Variants in TMEM164 observed in about 807,000 individuals in gnomAD.
TMEM164 encodes transmembrane protein 164, also known as RP13-360B22.2.
In TMEM164, 4 loss-of-function variants were observed where a neutral mutation model predicts 18.8. That is an observed-to-expected ratio of 0.21 (90% CI 0.10 to 0.49). The LOEUF is 0.49. Among genes scored for constraint, TMEM164 ranks in the 20% least tolerant of loss-of-function variants. The pLI, the probability that TMEM164 is intolerant of heterozygous loss-of-function variation, is 0.98. For missense variants in TMEM164, 108 were observed against 239.9 expected, an observed-to-expected ratio of 0.45 and a Z score of 3.63; for synonymous variants, 86 against 101.7, an observed-to-expected ratio of 0.85 and a Z score of 0.93.
chrX:110,179,159 C>T (rs752742080), downstream of TMEM164, among the ~76,000 whole-genome samples: 8 of 111,585 alleles, frequency 7.2e-5, no homozygotes, highest in African/African-American at 9.8e-5. Context: ...AAAGAGGCTG[C>T]GGAGAGGAGG....
intron 3 of TMEM164, among the ~76,000 whole-genome samples, chrX:110,079,769 T>G (rs2065724796): frequency 9.4e-6 from 1 of 105,873 alleles, no homozygotes. Flanking sequence ...AGTCTGCCAC[T>G]GCAGGCTTCA....
chrX:110,072,804 T>C (rs975125866), intron 3 of TMEM164, among the ~76,000 whole-genome samples: 4 of 110,575 alleles, frequency 3.6e-5, no homozygotes, highest in African/African-American at 1.3e-4. Flanking sequence ...AGGACAAGTA[T>C]TTATTCCTTT....
chrX:110,076,230 C>A (rs1022317823), intron 3 of TMEM164, among the ~76,000 whole-genome samples: 10 of 110,420 alleles, frequency 9.1e-5, no homozygotes, highest in African/African-American at 3.3e-4. Flanking sequence ...AGGAATCTAT[C>A]CATTTTCTCT....
At position 110,173,577 on chromosome X, in the gene TMEM164, C is replaced by A; in HGVS notation, c.*126C>A. The A allele has an allele frequency of 1.9e-6, 1 of 537,441 alleles. No homozygotes were observed. The highest frequency in any genetic ancestry group is 2.9e-6 in the Non-Finnish European group (1 of 339,487). The allele number at this position is 537,441 out of a possible 1,213,427, so 44.3% of individuals were successfully genotyped here. A position where few individuals can be genotyped will look rare whatever the true frequency, so the allele number is the denominator to read the frequency against. The stretch of plus-strand genomic sequence containing the variant: ...ATGTTTGGTGTATTTCTTTTTCCTC[C>A]TTTCTGTCCCTTTCTTCTACCACTC... On this transcript the variant is annotated 3_prime_UTR_variant, in exon 7 of 7. Coordinates refer to ENST00000372068, the MANE Select transcript of TMEM164 (RefSeq NM_032227.4).
At chrX:110,140,944 A>G (rs761217474) in intron 4 of TMEM164, among the ~76,000 whole-genome samples, 1 of 111,603 alleles carries the variant, frequency 9.0e-6, no homozygotes, top group South Asian at 3.8e-4. Context: ...GCTCGCTGAG[A>G]AAGTTCCCAG....
chrX:110,103,513 C>T (rs1354788338), intron 3 of TMEM164, among the ~76,000 whole-genome samples: 1 of 110,480 alleles, frequency 9.1e-6, no homozygotes, highest in East Asian at 2.9e-4. Context: ...AGGAATATAG[C>T]CTCCTGGGGT....
chrX:110,107,556 G>A (rs1220144846), intron 3 of TMEM164, among the ~76,000 whole-genome samples: 1 of 111,513 alleles, frequency 9.0e-6, no homozygotes, highest in Non-Finnish European at 1.9e-5. Flanking sequence ...TAGGGGAAGT[G>A]AAAAGCAGTC....
chrX:110,171,165 C>T, intron 5 of TMEM164, among the ~76,000 whole-genome samples: 1 of 112,017 alleles, frequency 8.9e-6, no homozygotes, highest in Non-Finnish European at 1.9e-5. Flanking sequence ...TTAATGAATA[C>T]ATACCACTTT....
chrX:110,164,876 A>G lies in TMEM164; in HGVS notation c.587-6544A>G, dbSNP rs886973235. ...ATCAGTCACTACTTTAGAGGGCCACAGATGAAGCAGGCAAGGAGAGGTAGG... is the reference window on the plus strand; with the variant it reads ...ATCAGTCACTACTTTAGAGGGCCACGGATGAAGCAGGCAAGGAGAGGTAGG... On this transcript the variant is annotated intron_variant, in intron 5 of 6. Transcript: ENST00000372068. 3.6e-5 allele frequency among the ~76,000 whole-genome samples: 4 copies of G among 109,823 alleles called. No individual in the cohort carries two copies. In the East Asian group the frequency reaches 1.1e-3, roughly 31 times the overall value.
chrX:110,117,232 C>T (rs2066382212), intron 4 of TMEM164, among the ~76,000 whole-genome samples: 2 of 111,901 alleles, frequency 1.8e-5, no homozygotes, highest in African/African-American at 6.5e-5. Flanking sequence ...TTTGGTCTTT[C>T]TGATACCAAA....
intron 2 of TMEM164, among the ~76,000 whole-genome samples, chrX:110,062,745 A>AT (rs1936171121): frequency 8.9e-6 from 1 of 112,073 alleles, no homozygotes; most frequent in Non-Finnish European, 1.9e-5. Flanking sequence ...ACAGCTTGAC[A>AT]TAACGCGCAA....
intron 2 of TMEM164, among the ~76,000 whole-genome samples, chrX:110,040,592 A>G (rs956860265): frequency 4.5e-5 from 5 of 112,053 alleles, no homozygotes; most frequent in African/African-American, 1.6e-4. Flanking sequence ...TATGATTTGA[A>G]AAAAGAACTG....
chrX:110,034,594 G>A (rs751470402), intron 2 of TMEM164, among the ~76,000 whole-genome samples: 20 of 111,565 alleles, frequency 1.8e-4, no homozygotes, highest in African/African-American at 5.6e-4. Flanking sequence ...TTTGGTTCGC[G>A]GGTTATTGTT....
chrX:110,174,048 C>G lies in TMEM164; in HGVS notation c.*597C>G, dbSNP rs1055666399. The G allele has an allele frequency of 8.9e-6, 1 of 112,700 alleles. No individual in the cohort carries two copies. Among genetic ancestry groups the G allele is most frequent in the Non-Finnish European group, 1.8e-5 (1 of 54,094 alleles). 9.3% of individuals were successfully genotyped at this position (112,700 alleles called of 1,213,427 possible). A position where few individuals can be genotyped will look rare whatever the true frequency, so the allele number is the denominator to read the frequency against. Reference sequence around the variant, plus strand: ...CTCAAAGTAAACAGCCAACCAGCCACTCCCTCCAGGATGCTGCCTGGGGTG... The same window carrying G: ...CTCAAAGTAAACAGCCAACCAGCCAGTCCCTCCAGGATGCTGCCTGGGGTG... On this transcript the variant is annotated 3_prime_UTR_variant, in exon 7 of 7. Transcript: ENST00000372068.
At chrX:110,079,981 A>C (rs2065728962) in intron 3 of TMEM164, among the ~76,000 whole-genome samples, 1 of 110,805 alleles carries the variant, frequency 9.0e-6, no homozygotes, top group Non-Finnish European at 1.9e-5. Context: ...AAAGTATAAT[A>C]ATAATTAAAA....
At chrX:110,085,353 A>ATG (rs1489787263) in intron 3 of TMEM164, among the ~76,000 whole-genome samples, 1 of 106,673 alleles carries the variant, frequency 9.4e-6, no homozygotes, top group Non-Finnish European at 1.9e-5. Context: ...ATATATATAT[A>ATG]TTAAAACAGG....
At chrX:110,152,646 A>G (rs1420258512) in intron 5 of TMEM164, among the ~76,000 whole-genome samples, 1 of 111,169 alleles carries the variant, frequency 9.0e-6, no homozygotes, top group African/African-American at 3.3e-5. Context: ...TGTGGAGAAG[A>G]TCATATTGGC....
intron 3 of TMEM164, among the ~76,000 whole-genome samples, chrX:110,079,374 C>T (rs1346297471): frequency 8.9e-6 from 1 of 111,932 alleles, no homozygotes; most frequent in East Asian, 2.8e-4. Context: ...GTTGAGCATC[C>T]CCAAAACCTG....
intron 5 of TMEM164, among the ~76,000 whole-genome samples, chrX:110,166,305 T>C (rs1308264540): frequency 8.9e-6 from 1 of 112,583 alleles, no homozygotes; most frequent in Non-Finnish European, 1.9e-5. Flanking sequence ...TTAATGCACT[T>C]ACCTAACTAC....
Sources: allele counts gnomAD v4.1 joint callset (sites outside exome capture counted in the v4.1 genomes callset), GRCh38; gene constraint gnomAD v4.1.1; transcripts MANE v1.5; gene names NCBI Gene and HGNC (gene_info 2026-07-23, HGNC 2026-07-21).